Variants in TMTC2 observed in about 807,000 individuals in gnomAD.
TMTC2 encodes the protein protein O-mannosyl-transferase TMTC2.
TMTC2 carries 43 observed loss-of-function variants against 82.4 expected under a neutral mutation model. The ratio of observed to expected loss-of-function variants is 0.52; its 90% CI spans 0.41 to 0.67. TMTC2 has a LOEUF of 0.67. TMTC2 is among the 30% of genes least tolerant of loss of function. TMTC2 has a pLI of 0.00. For missense variants in TMTC2, 919 were observed against 1,012.4 expected (o/e 0.91, Z 1.25); for synonymous variants, 408 against 381.9 (o/e 1.07, Z -0.80).
At chr12:83,004,451 C>G (rs935111662) in intron 8 of TMTC2, among the ~76,000 whole-genome samples, 5 of 152,176 alleles carry the variant, frequency 3.3e-5, no homozygotes, top group South Asian at 2.1e-4. Flanking sequence ...TAAGGAGACA[C>G]TTAGACTTTT....
intron 1 of TMTC2, among the ~76,000 whole-genome samples, chr12:82,772,756 A>C (rs1473447501): frequency 6.6e-6 from 1 of 152,182 alleles, no homozygotes; most frequent in African/African-American, 2.4e-5. Flanking sequence ...AGCTAAGCCA[A>C]ATAATGCTAC....
rs915525015 is a variant in TMTC2 at position 82,896,409 on chromosome 12, G to A, written c.1246G>A (p.Gly416Ser). ...TGCCACGAACCTGTTTTTCTATGTC[G>A]GCTTTGTAATTGCAGAGCGAGTATT... ...VPATNLFFYV[G>S]FVIAERVLYI... The change falls in exon 3 of 12, where the codon GGC becomes AGC. Residue 416 changes from glycine to serine, a missense_variant. Coordinates refer to ENST00000321196, the MANE Select transcript of TMTC2 (RefSeq NM_152588.3). 1.9e-6 allele frequency: 3 copies of A among 1,613,882 alleles called. No individual in the cohort carries two copies. Among genetic ancestry groups the A allele is most frequent in the East Asian group, 2.2e-5 (1 of 44,870 alleles).
chr12:82,759,872 A>T (rs996065439), intron 1 of TMTC2: 1 of 152,188 alleles, frequency 6.6e-6, no homozygotes, highest in Admixed American at 6.6e-5. Flanking sequence ...GATTTGGATA[A>T]ATGTGAACAT....
chr12:83,032,171 T>C (rs979471788), intron 9 of TMTC2, among the ~76,000 whole-genome samples: 19 of 150,702 alleles, frequency 1.3e-4, no homozygotes, highest in Admixed American at 1.3e-4. Context: ...TTTCCCACTA[T>C]CTGCTGTCTG....
intron 1 of TMTC2, among the ~76,000 whole-genome samples, chr12:82,693,307 C>T (rs991556814): frequency 1.3e-5 from 2 of 152,144 alleles, no homozygotes; most frequent in African/African-American, 4.8e-5. Flanking sequence ...AGCTTCTTTT[C>T]CAAAACACTC....
chr12:82,716,234 A>C (rs1873889124), intron 1 of TMTC2, among the ~76,000 whole-genome samples: 1 of 152,216 alleles, frequency 6.6e-6, no homozygotes, highest in Non-Finnish European at 1.5e-5. Flanking sequence ...ATTTCTAGAC[A>C]TCTAGTCTTA....
chr12:82,831,314 A>C (rs1869733320), intron 1 of TMTC2, among the ~76,000 whole-genome samples: 1 of 152,232 alleles, frequency 6.6e-6, no homozygotes, highest in Non-Finnish European at 1.5e-5. Flanking sequence ...AGGTGGCTGC[A>C]ACTGCAAACA....
At position 83,010,590 on chromosome 12, in the gene TMTC2, AAT is replaced by A. The variant is rs58831717; in HGVS notation, c.2071-20206_2071-20205del. Among the ~76,000 whole-genome samples the A allele has an allele frequency of 5.0e-3, 763 of 152,240 alleles. 8 individuals are homozygous for A. The highest frequency in any genetic ancestry group is 0.018 in the African/African-American group (739 of 41,552). ...CCCATCTCCTCAGCTATGGCACCCA[AAT>A]AAAGCCTTCTTCCCTGGTGATAGTC... On this transcript the variant is annotated intron_variant, in intron 8 of 11. Coordinates refer to ENST00000321196, the MANE Select transcript of TMTC2 (RefSeq NM_152588.3).
At chr12:82,927,030 T>C (rs1301427957) in intron 3 of TMTC2, among the ~76,000 whole-genome samples, 1 of 152,216 alleles carries the variant, frequency 6.6e-6, no homozygotes, top group Non-Finnish European at 1.5e-5. Flanking sequence ...CTGTAGCCCA[T>C]GGATCGATCA....
chr12:82,909,995 G>A (rs183423703), intron 3 of TMTC2, among the ~76,000 whole-genome samples: 73 of 152,228 alleles, frequency 4.8e-4, no homozygotes, highest in African/African-American at 1.6e-3. Context: ...CTAAAGCAGG[G>A]TAAAATATGT....
chr12:82,772,992 A>AT, intron 1 of TMTC2, among the ~76,000 whole-genome samples: 1 of 152,246 alleles, frequency 6.6e-6, no homozygotes, highest in South Asian at 2.1e-4. Flanking sequence ...TTTGAAAGGT[A>AT]TTTTTTGTTT....
chr12:83,048,902 C>G (rs1882242183), intron 9 of TMTC2, among the ~76,000 whole-genome samples: 1 of 152,198 alleles, frequency 6.6e-6, no homozygotes, highest in Non-Finnish European at 1.5e-5. Context: ...CTCCAGACCT[C>G]TGGTGATCCA....
chr12:82,776,633 A>G (rs1478363232), intron 1 of TMTC2, among the ~76,000 whole-genome samples: 1 of 150,780 alleles, frequency 6.6e-6, no homozygotes, highest in Admixed American at 6.6e-5. Context: ...AAAAAAAAAA[A>G]AAGAATCTGG....
At chr12:82,884,535 AT>A (rs1872991903) in intron 2 of TMTC2, among the ~76,000 whole-genome samples, 1 of 152,150 alleles carries the variant, frequency 6.6e-6, no homozygotes, top group Non-Finnish European at 1.5e-5. Flanking sequence ...GTTTTCAGCT[AT>A]TGATCTATCA....
At chr12:82,855,836 A>C (rs1565779789) in intron 1 of TMTC2, among the ~76,000 whole-genome samples, 2 of 152,238 alleles carry the variant, frequency 1.3e-5, no homozygotes, top group Admixed American at 1.3e-4. Context: ...TCCAGCTTTG[A>C]TATGGTAATG....
intron 9 of TMTC2, among the ~76,000 whole-genome samples, chr12:83,033,200 G>A (rs75792390): frequency 0.019 from 2,879 of 152,242 alleles, 55 homozygotes; most frequent in East Asian, 0.082. Flanking sequence ...ATAATTGAGT[G>A]CGTGAGATTC....
chr12:82,861,487 A>T (rs912732966), intron 2 of TMTC2, among the ~76,000 whole-genome samples: 2 of 152,256 alleles, frequency 1.3e-5, no homozygotes, highest in African/African-American at 4.8e-5. Context: ...TGTGCATGTC[A>T]TCAGACTTTT....
At chr12:82,847,596 C>T (rs748991032) in intron 1 of TMTC2, among the ~76,000 whole-genome samples, 7 of 152,086 alleles carry the variant, frequency 4.6e-5, no homozygotes, top group Admixed American at 6.5e-5. Context: ...ACATATACAC[C>T]ATGGAATACT....
chr12:83,015,778 A>C (rs896320933), intron 8 of TMTC2, among the ~76,000 whole-genome samples: 7 of 152,230 alleles, frequency 4.6e-5, no homozygotes, highest in African/African-American at 1.7e-4. Flanking sequence ...GTGTGCTTCC[A>C]CTAGCACACT....
Sources: gnomAD v4.1 joint callset for allele counts (sites outside exome capture counted in the v4.1 genomes callset) on GRCh38, gnomAD v4.1.1 for gene constraint, MANE v1.5 for transcripts, NCBI Gene and HGNC (gene_info 2026-07-23, HGNC 2026-07-21) for gene names.